DGKI: variants seen among roughly 807,000 people sequenced by gnomAD.
DGKI encodes the protein DAG kinase iota.
A neutral mutation model predicts 147.5 loss-of-function variants in DGKI; 55 were observed. The ratio of observed to expected loss-of-function variants is 0.37; its 90% confidence interval spans 0.30 to 0.47. The LOEUF (loss-of-function observed/expected upper bound fraction) is 0.47, where lower values mean the gene tolerates loss of function less well. DGKI is among the 20% of genes least tolerant of loss of function. DGKI has a pLI of 1.00. For synonymous variants in DGKI, 469 were observed against 477.1 expected (o/e 0.98, Z 0.22); for missense variants, 1,007 against 1,323.8 (o/e 0.76, Z 3.71).
At chr7:137,392,140 A>T (rs1363027880) in intron 32 of DGKI, among the ~76,000 whole-genome samples, 1 of 152,122 alleles carries the variant, frequency 6.6e-6, no homozygotes, top group African/African-American at 2.4e-5. Flanking sequence ...TTTGTCATTA[A>T]TTTTTTACAT....
At chr7:137,683,739 T>C (rs970306880) in intron 2 of DGKI, among the ~76,000 whole-genome samples, 2 of 152,232 alleles carry the variant, frequency 1.3e-5, no homozygotes, top group African/African-American at 2.4e-5. Context: ...TAAACAAAGA[T>C]AGCACTTCTT....
At chr7:137,762,069 T>G (rs1358094860) in intron 1 of DGKI, among the ~76,000 whole-genome samples, 1 of 152,242 alleles carries the variant, frequency 6.6e-6, no homozygotes, top group Non-Finnish European at 1.5e-5. Context: ...TATTTCTCAT[T>G]ATTTCTGGCC....
intron 29 of DGKI, among the ~76,000 whole-genome samples, chr7:137,410,424 A>AAAT (rs1178604204): frequency 6.6e-6 from 1 of 152,172 alleles, no homozygotes; most frequent in Non-Finnish European, 1.5e-5. Context: ...AAACAAAATA[A>AAAT]GGTGTTATTA....
chr7:137,411,738 C>CGTTAA (rs1440467419), intron 29 of DGKI, among the ~76,000 whole-genome samples: 2 of 152,186 alleles, frequency 1.3e-5, no homozygotes, highest in Non-Finnish European at 2.9e-5. Context: ...TCTTGTTTGA[C>CGTTAA]TAACTATGAG....
chr7:137,774,053 A>G (rs1326780294), intron 1 of DGKI, among the ~76,000 whole-genome samples: 1 of 152,216 alleles, frequency 6.6e-6, no homozygotes, highest in Non-Finnish European at 1.5e-5. Flanking sequence ...GTCTGCCTCA[A>G]TGAGAAGGCA....
chr7:137,722,086 G>A, intron 1 of DGKI: 1 of 1,598,200 alleles, frequency 6.3e-7, no homozygotes, highest in Admixed American at 1.7e-5. Flanking sequence ...TAACCTCAAG[G>A]CTAAAAAGCC....
intron 28 of DGKI, among the ~76,000 whole-genome samples, chr7:137,420,000 G>A (rs1812501340): frequency 6.6e-6 from 1 of 152,224 alleles, no homozygotes; most frequent in Admixed American, 6.5e-5. Context: ...GTTCTGCAGA[G>A]ATAGTTTGTC....
intron 21 of DGKI, among the ~76,000 whole-genome samples, chr7:137,518,652 TATC>T (rs1209565218): frequency 6.6e-6 from 1 of 152,088 alleles, no homozygotes; most frequent in African/African-American, 2.4e-5. Flanking sequence ...CTGTGTAAAT[TATC>T]ATGGCAATTT....
At chr7:137,673,685 C>T (rs539293954) in intron 3 of DGKI, among the ~76,000 whole-genome samples, 8 of 152,318 alleles carry the variant, frequency 5.3e-5, no homozygotes, top group South Asian at 2.1e-4. Flanking sequence ...ACCACCCATG[C>T]TACCCATCTG....
intron 21 of DGKI, among the ~76,000 whole-genome samples, chr7:137,507,000 G>T (rs999496118): frequency 5.9e-4 from 90 of 152,142 alleles, no homozygotes; most frequent in African/African-American, 2.2e-3. Context: ...GAATTAGATA[G>T]AATCAGTTTG....
chr7:137,507,914 A>G (rs1364866076), intron 21 of DGKI, among the ~76,000 whole-genome samples: 2 of 152,222 alleles, frequency 1.3e-5, no homozygotes, highest in African/African-American at 4.8e-5. Context: ...AGGTGGTTTG[A>G]CAAAAGGAAC....
At chr7:137,635,127 G>A (rs185778847) in intron 6 of DGKI, among the ~76,000 whole-genome samples, 6 of 152,182 alleles carry the variant, frequency 3.9e-5, no homozygotes, top group East Asian at 1.9e-4. Flanking sequence ...TAGACACAAC[G>A]CAGGTACCAT....
At chr7:137,823,225 A>G (rs1012538266) in intron 1 of DGKI, among the ~76,000 whole-genome samples, 1 of 152,204 alleles carries the variant, frequency 6.6e-6, no homozygotes, top group Non-Finnish European at 1.5e-5. Flanking sequence ...AATAAACCAG[A>G]AAGAAAGAAA....
At chr7:137,403,073 G>A (rs768961227) in intron 30 of DGKI, among the ~76,000 whole-genome samples, 1 of 152,034 alleles carries the variant, frequency 6.6e-6, no homozygotes, top group Non-Finnish European at 1.5e-5. Context: ...GGTTGGAGGG[G>A]CAAACGAGGG....
chr7:137,706,775 T>C (rs912320116), intron 1 of DGKI, among the ~76,000 whole-genome samples: 3 of 152,164 alleles, frequency 2.0e-5, no homozygotes, highest in East Asian at 1.9e-4. Flanking sequence ...GGTTTCACCA[T>C]GTTAGCCAGA....
At chr7:137,734,547 T>C (rs1210617842) in intron 1 of DGKI, among the ~76,000 whole-genome samples, 2 of 152,016 alleles carry the variant, frequency 1.3e-5, no homozygotes, top group Non-Finnish European at 2.9e-5. Context: ...TAAGTGGCTC[T>C]GCAGAGAGGC....
At chr7:137,689,220 C>T (rs1239752331) in intron 2 of DGKI, among the ~76,000 whole-genome samples, 1 of 152,188 alleles carries the variant, frequency 6.6e-6, no homozygotes, top group Non-Finnish European at 1.5e-5. Flanking sequence ...ATACCTTTTC[C>T]TCATATTGCT....
intron 30 of DGKI, among the ~76,000 whole-genome samples, chr7:137,399,140 G>T (rs756695530): frequency 2.0e-5 from 3 of 151,888 alleles, no homozygotes; most frequent in Non-Finnish European, 2.9e-5. Context: ...CTGTGACAAG[G>T]TCCTCTCAAA....
chr7:137,615,566 T>TGC (rs1820504658), intron 8 of DGKI, among the ~76,000 whole-genome samples: 2 of 151,758 alleles, frequency 1.3e-5, no homozygotes, highest in Non-Finnish European at 2.9e-5. Context: ...TGTGTGTGTG[T>TGC]GTGTATCCTC....
Sources: gnomAD v4.1 joint callset for allele counts (sites outside exome capture counted in the v4.1 genomes callset) on GRCh38, gnomAD v4.1.1 for gene constraint, MANE v1.5 for transcripts, NCBI Gene and HGNC (gene_info 2026-07-23, HGNC 2026-07-21) for gene names.